Variants in BLTP1 observed in about 807,000 individuals in gnomAD.
The protein encoded by BLTP1 is fragile site-associated protein.
At chr4:122,328,248 G>C in the BLTP1 span, 4 of 1,611,174 alleles carry the variant, frequency 2.5e-6, no homozygotes, top group Non-Finnish European at 3.4e-6. Flanking sequence ...TTTCCAAACT[G>C]AAGAGGGCCG....
the BLTP1 span, chr4:122,220,248 A>G: frequency 7.1e-7 from 1 of 1,405,660 alleles, no homozygotes; most frequent in East Asian, 2.3e-5. Context: ...TCTCTTAATC[A>G]TGACAGATGT....
At chr4:122,182,996 G>C in the BLTP1 span, 1 of 984,938 alleles carries the variant, frequency 1.0e-6, no homozygotes, top group Non-Finnish European at 1.2e-6. Flanking sequence ...ATTTTAATGA[G>C]ATGTAATATT....
At chr4:122,266,699 T>C in the BLTP1 span, 4 of 1,276,458 alleles carry the variant, frequency 3.1e-6, no homozygotes. Context: ...GGGTAAGAAA[T>C]AAAAGCTGCA....
At chr4:122,169,925 A>G in the BLTP1 span, 2 of 977,294 alleles carry the variant, frequency 2.0e-6, no homozygotes, top group Non-Finnish European at 2.4e-6. Context: ...TTAATATGAT[A>G]ATATTAAGTG....
chr4:122,304,856 T>G, the BLTP1 span: 1 of 1,613,878 alleles, frequency 6.2e-7, no homozygotes, highest in African/African-American at 1.3e-5. Flanking sequence ...GAAACTGGAT[T>G]GATTGAACTG....
chr4:122,177,306 A>G, the BLTP1 span, among the ~76,000 whole-genome samples: 2 of 152,068 alleles, frequency 1.3e-5, no homozygotes, highest in Admixed American at 6.5e-5. Context: ...CCAGAATCCA[A>G]CTACTTCTCC....
the BLTP1 span, chr4:122,201,099 A>G: frequency 1.2e-6 from 2 of 1,612,504 alleles, no homozygotes; most frequent in African/African-American, 2.7e-5. Flanking sequence ...TTACCACTTC[A>G]TCTTTGCACA....
At chr4:122,223,733 C>G in the BLTP1 span, among the ~76,000 whole-genome samples, 2 of 151,948 alleles carry the variant, frequency 1.3e-5, no homozygotes, top group African/African-American at 2.4e-5. Flanking sequence ...AAGGTCCTGG[C>G]AAGAGGTGAT....
At chr4:122,227,232 A>G in the BLTP1 span, 52 of 990,224 alleles carry the variant, frequency 5.3e-5, no homozygotes, top group African/African-American at 8.2e-4. Context: ...CGTTTCTCCC[A>G]TAATGTAATA....
chr4:122,196,095 C>T, the BLTP1 span, among the ~76,000 whole-genome samples: 1 of 152,110 alleles, frequency 6.6e-6, no homozygotes, highest in African/African-American at 2.4e-5. Context: ...AAATCTATTG[C>T]TCTTTAGCCT....
At chr4:122,273,234 A>C in the BLTP1 span, 1 of 970,802 alleles carries the variant, frequency 1.0e-6, no homozygotes, top group South Asian at 4.8e-5. Context: ...ACTTACTTTG[A>C]ACCTACTTTT....
the BLTP1 span, chr4:122,193,691 C>CT: frequency 1.1e-6 from 1 of 919,086 alleles, no homozygotes; most frequent in Non-Finnish European, 1.3e-6. Context: ...CATGAACTAG[C>CT]TTTTTTGAAT....
chr4:122,186,233 A>G, the BLTP1 span: 1 of 1,595,170 alleles, frequency 6.3e-7, no homozygotes, highest in Non-Finnish European at 8.5e-7. Flanking sequence ...GTTCAGTATC[A>G]TACTTGAATT....
At chr4:122,188,044 C>A in the BLTP1 span, 1 of 1,568,192 alleles carries the variant, frequency 6.4e-7, no homozygotes, top group South Asian at 1.2e-5. Flanking sequence ...ATGTTCGAGT[C>A]ATGCTTGTTC....
At chr4:122,354,946 T>G in the BLTP1 span, among the ~76,000 whole-genome samples, 1 of 152,140 alleles carries the variant, frequency 6.6e-6, no homozygotes, top group Non-Finnish European at 1.5e-5. Context: ...ATTACAGGCA[T>G]GAGCCACCAT....
At chr4:122,356,059 CA>C in the BLTP1 span, 1 of 1,180,570 alleles carries the variant, frequency 8.5e-7, no homozygotes, top group Non-Finnish European at 1.2e-6. Flanking sequence ...GCTGTGTTCC[CA>C]TGGATTTTTT....
At chr4:122,358,906 G>A in the BLTP1 span, among the ~76,000 whole-genome samples, 1 of 151,884 alleles carries the variant, frequency 6.6e-6, no homozygotes, top group South Asian at 2.1e-4. Context: ...AATTATTATA[G>A]CCAATTAAAA....
chr4:122,172,012 TA>T, the BLTP1 span: 18 of 809,830 alleles, frequency 2.2e-5, no homozygotes, highest in Non-Finnish European at 2.7e-5. Context: ...TAAAAATTTA[TA>T]CAAAATGACT....
At chr4:122,288,731 C>G in the BLTP1 span, 3 of 572,054 alleles carry the variant, frequency 5.2e-6, no homozygotes, top group Non-Finnish European at 6.6e-6. Context: ...ATTCTAAGAC[C>G]ACAAAAGTGG....
Sources: allele counts gnomAD v4.1 joint callset (sites outside exome capture counted in the v4.1 genomes callset), GRCh38; gene constraint gnomAD v4.1.1; transcripts MANE v1.5; gene names NCBI Gene and HGNC (gene_info 2026-07-23, HGNC 2026-07-21).